The following CDH4 variants were observed in gnomAD, a reference collection of about 807,000 sequenced individuals.
CDH4 encodes cadherin-4.
Under a neutral mutation model 86.0 loss-of-function variants are expected in CDH4, and 33 were observed. That is an observed-to-expected ratio of 0.38 (90% CI 0.29 to 0.51). The LOEUF (loss-of-function observed/expected upper bound fraction) is 0.51, where lower values mean the gene tolerates loss of function less well. Among genes scored for constraint, CDH4 ranks in the 20% least tolerant of loss-of-function variants. The pLI is 0.86. For synonymous variants in CDH4, 555 were observed against 549.4 expected, an observed-to-expected ratio of 1.01 and a Z score of -0.14; for missense variants, 1,114 against 1,307.4, an observed-to-expected ratio of 0.85 and a Z score of 2.28.
intron 2 of CDH4, among the ~76,000 whole-genome samples, chr20:61,722,350 A>G (rs1256873959): frequency 6.6e-6 from 1 of 152,110 alleles, no homozygotes; most frequent in Non-Finnish European, 1.5e-5. Flanking sequence ...CGTCATCAGC[A>G]CTCACTGCTA....
chr20:61,933,829 C>T (rs1418255326), intron 14 of CDH4, among the ~76,000 whole-genome samples: 1 of 152,208 alleles, frequency 6.6e-6, no homozygotes, highest in East Asian at 1.9e-4. Context: ...TGGAACACAG[C>T]CAAGAACAGC....
intron 2 of CDH4, among the ~76,000 whole-genome samples, chr20:61,666,522 T>C (rs1004438138): frequency 6.6e-6 from 1 of 152,198 alleles, no homozygotes; most frequent in East Asian, 1.9e-4. Context: ...GGGAGGATGA[T>C]GGCATGGCTG....
intron 3 of CDH4, among the ~76,000 whole-genome samples, chr20:61,760,891 G>A (rs80263639): frequency 1.2e-3 from 189 of 152,316 alleles, no homozygotes; most frequent in African/African-American, 4.4e-3. Context: ...TGAAACTCAT[G>A]CAAATGCTGA....
At chr20:61,635,245 C>T (rs1290134243) in intron 2 of CDH4, among the ~76,000 whole-genome samples, 1 of 152,258 alleles carries the variant, frequency 6.6e-6, no homozygotes, top group African/African-American at 2.4e-5. Context: ...CACGGTTCCA[C>T]ATCCCCACCA....
chr20:61,915,355 T>C (rs1464281587), intron 9 of CDH4, among the ~76,000 whole-genome samples: 1 of 152,216 alleles, frequency 6.6e-6, no homozygotes. Context: ...CAGGGCATCC[T>C]GGCAAGGCCA....
intron 2 of CDH4, among the ~76,000 whole-genome samples, chr20:61,386,027 G>A (rs766733079): frequency 1.2e-4 from 19 of 152,164 alleles, no homozygotes; most frequent in South Asian, 8.3e-4. Context: ...TGTTTCTCCC[G>A]TGGCTCTGTG....
intron 2 of CDH4, among the ~76,000 whole-genome samples, chr20:61,520,060 A>G (rs185686468): frequency 8.5e-5 from 13 of 152,282 alleles, no homozygotes; most frequent in Admixed American, 7.8e-4. Flanking sequence ...CTATCCATTG[A>G]TCTGCCTGCG....
At chr20:61,925,167 G>A (rs1046583580) in intron 11 of CDH4, among the ~76,000 whole-genome samples, 17 of 152,212 alleles carry the variant, frequency 1.1e-4, no homozygotes, top group African/African-American at 1.9e-4. Flanking sequence ...GGGCAGAGAC[G>A]GCAGGAAGAA....
chr20:61,391,211 C>T (rs2084983606), intron 2 of CDH4, among the ~76,000 whole-genome samples: 1 of 152,018 alleles, frequency 6.6e-6, no homozygotes, highest in African/African-American at 2.4e-5. Flanking sequence ...GTAAGTGAGC[C>T]CAGGAACGCA....
At chr20:61,866,192 G>A (rs1212545587) in intron 6 of CDH4, among the ~76,000 whole-genome samples, 1 of 152,106 alleles carries the variant, frequency 6.6e-6, no homozygotes, top group Non-Finnish European at 1.5e-5. Context: ...ATGAGCTTCA[G>A]CCCCTGGGGT....
At chr20:61,922,870 C>T (rs1185208126) in intron 9 of CDH4, among the ~76,000 whole-genome samples, 1 of 152,278 alleles carries the variant, frequency 6.6e-6, no homozygotes, top group Non-Finnish European at 1.5e-5. Flanking sequence ...ATCCTCCCAC[C>T]TTAGCGTCCT....
chr20:61,873,699 C>G, intron 6 of CDH4, 29 bp from the exon 7 acceptor site: 1 of 1,602,470 alleles, frequency 6.2e-7, no homozygotes, highest in Non-Finnish European at 8.5e-7. Flanking sequence ...GGCAGGCCAT[C>G]CCCATCTGAG....
intron 2 of CDH4, among the ~76,000 whole-genome samples, chr20:61,556,747 C>T (rs543669443): frequency 6.6e-6 from 1 of 152,252 alleles, no homozygotes; most frequent in South Asian, 2.1e-4. Context: ...CTTGGTGCCC[C>T]CCACCTTGGT....
At chr20:61,409,126 G>A (rs192451847) in intron 2 of CDH4, among the ~76,000 whole-genome samples, 24 of 152,310 alleles carry the variant, frequency 1.6e-4, no homozygotes, top group South Asian at 8.3e-4. Flanking sequence ...AGGCTGCACC[G>A]GCCACTCCAT....
chr20:61,706,155 C>T lies in CDH4; in HGVS notation c.170-37408C>T, dbSNP rs187568545. ...GCCCGACGCCTGCCCGGCGCCTGCT[C>T]GGCAACTGTTCTCTGTAAAACTTTT... On this transcript the variant is annotated intron_variant, in intron 2 of 15. Coordinates refer to ENST00000614565, the MANE Select transcript of CDH4 (RefSeq NM_001794.5). Among the ~76,000 whole-genome samples, 770 of 152,300 alleles carry T rather than the reference C, an allele frequency of 5.1e-3. 4 individuals are homozygous for T. Among genetic ancestry groups the T allele is most frequent in the Non-Finnish European group, 7.9e-3 (535 of 68,036 alleles).
intron 7 of CDH4, among the ~76,000 whole-genome samples, chr20:61,888,589 C>T (rs1268975310): frequency 1.3e-5 from 2 of 152,240 alleles, no homozygotes; most frequent in Admixed American, 6.5e-5. Context: ...AATGTCTGGA[C>T]ACACATTGGT....
intron 4 of CDH4, among the ~76,000 whole-genome samples, chr20:61,812,667 G>A (rs1403151697): frequency 1.3e-5 from 2 of 152,338 alleles, no homozygotes; most frequent in East Asian, 1.9e-4. Context: ...CTGCAGTTAT[G>A]TAGAAGATTG....
intron 4 of CDH4, among the ~76,000 whole-genome samples, chr20:61,839,852 ATG>A (rs1982076390): frequency 1.3e-5 from 2 of 148,196 alleles, no homozygotes; most frequent in African/African-American, 2.5e-5. Context: ...GCGTATGTGT[ATG>A]TGTGTTTGTG....
intron 2 of CDH4, among the ~76,000 whole-genome samples, chr20:61,355,785 A>G (rs2084746199): frequency 6.6e-6 from 1 of 152,222 alleles, no homozygotes; most frequent in South Asian, 2.1e-4. Context: ...GCACCTGCAC[A>G]CACATGCGTA....
Sources: gnomAD v4.1 joint callset for allele counts (sites outside exome capture counted in the v4.1 genomes callset) on GRCh38, gnomAD v4.1.1 for gene constraint, MANE v1.5 for transcripts, NCBI Gene and HGNC (gene_info 2026-07-23, HGNC 2026-07-21) for gene names.